Variants in HTR1E observed in about 807,000 individuals in gnomAD.
HTR1E encodes the protein 5-hydroxytryptamine receptor 1E.
HTR1E carries 3 observed loss-of-function variants against 3.4 expected under a neutral mutation model. That is an observed-to-expected ratio of 0.89 (90% confidence interval 0.41 to 2.31). The LOEUF is 2.31. Among genes scored for constraint, HTR1E ranks in the 30% most tolerant of loss-of-function variants. The pLI, the probability that HTR1E is intolerant of heterozygous loss-of-function variation, is 0.05. For missense variants in HTR1E, 392 were observed against 467.0 expected (o/e 0.84, Z 1.48); for synonymous variants, 170 against 182.8 (o/e 0.93, Z 0.56).
intron 1 of HTR1E, among the ~76,000 whole-genome samples, chr6:87,014,760 C>T (rs1043177869): frequency 6.6e-6 from 1 of 152,068 alleles, no homozygotes; most frequent in African/African-American, 2.4e-5. Flanking sequence ...ACAATGAGAA[C>T]ACATGGGCAC....
intron 1 of HTR1E, among the ~76,000 whole-genome samples, chr6:86,984,794 T>C (rs1007964120): frequency 1.3e-5 from 2 of 152,192 alleles, no homozygotes; most frequent in African/African-American, 4.8e-5. Flanking sequence ...AGAAACATCC[T>C]GTTTCTTAAA....
intron 1 of HTR1E, among the ~76,000 whole-genome samples, chr6:86,971,752 G>A (rs970743594): frequency 2.0e-5 from 3 of 152,096 alleles, no homozygotes; most frequent in Admixed American, 6.6e-5. Flanking sequence ...GTTTTGACAT[G>A]GGAATATTGC....
At chr6:86,956,557 T>C (rs1378259824) in intron 1 of HTR1E, among the ~76,000 whole-genome samples, 1 of 152,196 alleles carries the variant, frequency 6.6e-6, no homozygotes, top group Non-Finnish European at 1.5e-5. Flanking sequence ...ACCAAACCAA[T>C]GTACACCTTA....
rs113928343 is a variant in HTR1E at position 86,969,780 on chromosome 6, G to A, written c.-186+31957G>A. On this transcript the variant is annotated intron_variant, in intron 1 of 1. Coordinates refer to ENST00000305344, the MANE Select transcript of HTR1E (RefSeq NM_000865.3). ...TGACCTAGGCAAAGCTGCTTGATAC[G>A]AGTCACTCTCCACACCCCAGCCACA... Among the ~76,000 whole-genome samples the A allele has an allele frequency of 2.3e-3, 350 of 152,230 alleles. 1 individual carries two copies. The highest frequency in any genetic ancestry group is 8.1e-3 in the African/African-American group (337 of 41,530).
rs369112547 is a variant in HTR1E at position 87,004,199 on chromosome 6, A to G, written c.-185-10951A>G. ...AACATTTAAAGAAGAACTAATACCA[A>G]TTCTAGTTAAACTATACCAAAATAT... On this transcript the variant is annotated intron_variant, in intron 1 of 1. Transcript: ENST00000305344. Among the ~76,000 whole-genome samples, 941 of 152,320 alleles carry G rather than the reference A, an allele frequency of 6.2e-3. 4 individuals are homozygous for G. The highest frequency in any genetic ancestry group is 0.02 in the Middle Eastern group (6 of 294).
At position 87,015,554 on chromosome 6, in the gene HTR1E, C is replaced by T; in HGVS notation, c.220C>T (p.Leu74Phe). 1.2e-6 allele frequency: 2 copies of T among 1,612,828 alleles called. No individual in the cohort carries two copies. The highest frequency in any genetic ancestry group is 1.7e-6 in the Non-Finnish European group (2 of 1,179,222). Residue 74 changes from leucine to phenylalanine, a missense_variant, in exon 2 of 2, where the codon CTC becomes TTC. Physicochemically the swap from Leu to Phe is conservative, Grantham distance 22 (BLOSUM62 0). Around this residue, in one of 3 missense-constraint regions of HTR1E, gnomAD observed 189 missense variants for 258.0 expected, o/e 0.73. Coordinates refer to ENST00000305344, the MANE Select transcript of HTR1E (RefSeq NM_000865.3). ...CGTGACGGACCTCCTGGTGGCAGTG[C>T]TCGTCATGCCCCTGAGCATCATCTA... The part of the protein sequence containing the change: ...LAVTDLLVAV[L>F]VMPLSIIYIV...
At chr6:87,007,623 A>T (rs1264119929) in intron 1 of HTR1E, among the ~76,000 whole-genome samples, 1 of 152,156 alleles carries the variant, frequency 6.6e-6, no homozygotes, top group East Asian at 1.9e-4. Flanking sequence ...ACCCACAAAA[A>T]ATTTAAAATT....
chr6:86,989,290 C>A (rs1423632102), intron 1 of HTR1E, among the ~76,000 whole-genome samples: 1 of 152,176 alleles, frequency 6.6e-6, no homozygotes, highest in Non-Finnish European at 1.5e-5. Flanking sequence ...TCACCAAATT[C>A]TACCTTGAAC....
At chr6:86,938,650 G>T (rs755714789) in intron 1 of HTR1E, among the ~76,000 whole-genome samples, 3 of 152,204 alleles carry the variant, frequency 2.0e-5, no homozygotes, top group Non-Finnish European at 2.9e-5. Context: ...GGCAGATGGT[G>T]TCAGCATCCC....
chr6:87,015,163 G>A lies in HTR1E; in HGVS notation c.-172G>A. On this transcript the variant is annotated 5_prime_UTR_variant, in exon 2 of 2. Transcript: ENST00000305344. ...AATATTTTCCAGGAACCTTCACTCAGAAGAAATGCTGTGGCCCTTCCCTTT... is the reference window on the plus strand; with the variant it reads ...AATATTTTCCAGGAACCTTCACTCAAAAGAAATGCTGTGGCCCTTCCCTTT... 1 of 426,632 alleles carries A rather than the reference G, an allele frequency of 2.3e-6. No individual in the cohort carries two copies. 26.4% of individuals were successfully genotyped at this position (426,632 alleles called of 1,614,324 possible).
intron 1 of HTR1E, among the ~76,000 whole-genome samples, chr6:86,954,841 G>A (rs1767299028): frequency 6.6e-6 from 1 of 152,130 alleles, no homozygotes; most frequent in South Asian, 2.1e-4. Context: ...AATATTTAAT[G>A]GAAGTCAAAT....
At chr6:87,014,326 G>A (rs1768284246) in intron 1 of HTR1E, among the ~76,000 whole-genome samples, 1 of 151,542 alleles carries the variant, frequency 6.6e-6, no homozygotes, top group Non-Finnish European at 1.5e-5. Context: ...GAAAGGATGT[G>A]AAGAAATAGG....
intron 1 of HTR1E, among the ~76,000 whole-genome samples, chr6:86,981,723 ATTGT>A (rs1316368949): frequency 6.6e-6 from 1 of 152,208 alleles, no homozygotes; most frequent in African/African-American, 2.4e-5. Flanking sequence ...TATTACATAT[ATTGT>A]TTAATTCTCA....
intron 1 of HTR1E, among the ~76,000 whole-genome samples, chr6:87,013,887 A>T (rs1014868393): frequency 6.6e-6 from 1 of 152,174 alleles, no homozygotes; most frequent in African/African-American, 2.4e-5. Flanking sequence ...CAAACATATG[A>T]AAAAAAGCTC....
intron 1 of HTR1E, among the ~76,000 whole-genome samples, chr6:86,999,005 G>A (rs1214112934): frequency 2.0e-5 from 3 of 152,162 alleles, no homozygotes; most frequent in African/African-American, 7.2e-5. Context: ...TGTCACCCAG[G>A]CGGGAGTGCA....
At chr6:86,951,730 A>G (rs551209990) in intron 1 of HTR1E, among the ~76,000 whole-genome samples, 54 of 152,322 alleles carry the variant, frequency 3.5e-4, no homozygotes, top group African/African-American at 1.2e-3. Context: ...TAATTCACTA[A>G]AAGAAAAAAA....
intron 1 of HTR1E, among the ~76,000 whole-genome samples, chr6:86,975,915 TGAGA>T (rs991761577): frequency 7.3e-6 from 1 of 137,108 alleles, no homozygotes; most frequent in Non-Finnish European, 1.6e-5. Flanking sequence ...TCTCTCTCTC[TGAGA>T]CACACACACA....
chr6:86,944,992 A>C (rs1242882040), intron 1 of HTR1E, among the ~76,000 whole-genome samples: 1 of 152,012 alleles, frequency 6.6e-6, no homozygotes, highest in African/African-American at 2.4e-5. Context: ...ACTTTTTATC[A>C]TTATTTTGGG....
At chr6:87,010,304 G>A (rs1398646031) in intron 1 of HTR1E, among the ~76,000 whole-genome samples, 5 of 110,838 alleles carry the variant, frequency 4.5e-5, no homozygotes, top group Non-Finnish European at 7.1e-5. Context: ...GCGGCTGGCC[G>A]GGCGGGGGGG....
Sources: gnomAD v4.1 joint callset for allele counts (sites outside exome capture counted in the v4.1 genomes callset) on GRCh38, gnomAD v4.1.1 for gene constraint, gnomAD v4.1.1 regional missense constraint, MANE v1.5 for transcripts, NCBI Gene and HGNC (gene_info 2026-07-23, HGNC 2026-07-21) for gene names.